Variants in TNRC18 observed in about 807,000 individuals in gnomAD.
TNRC18 encodes trinucleotide repeat containing 18.
A neutral mutation model predicts 226.7 loss-of-function variants in TNRC18; 69 were observed. The observed-to-expected ratio is 0.30, with a 90% confidence interval of 0.25 to 0.37. The LOEUF is 0.37. TNRC18 is among the 10% of genes least tolerant of loss of function. The pLI, the probability that TNRC18 is intolerant of heterozygous loss-of-function variation, is 1.00. For missense variants in TNRC18, 4,754 were observed against 4,256.6 expected (o/e 1.12, Z -3.25); for synonymous variants, 2,449 against 1,927.6 (o/e 1.27, Z -7.09).
At chr7:5,355,437 G>A (rs1202551198) in intron 16 of TNRC18, among the ~76,000 whole-genome samples, 33 of 152,106 alleles carry the variant, frequency 2.2e-4, no homozygotes, top group African/African-American at 7.2e-5. Context: ...AGACCAGCAT[G>A]GGCAACACAG....
chr7:5,394,722 C>A lies in TNRC18; in HGVS notation c.188-127G>T. On this transcript the variant is annotated intron_variant, in intron 2 of 29. Transcript: ENST00000430969. This position sits in a 1 kb window ranked among gnomAD's most constrained non-coding sequence, Gnocchi z 4.5. ...CCAGCTGTGTGGAGCTGATGCTGGC[C>A]AGGAGACCAAAGAGGGTTCCCCTGC... 2 of 728,886 alleles carry A rather than the reference C, an allele frequency of 2.7e-6. No homozygotes were observed. Among genetic ancestry groups the A allele is most frequent in the Non-Finnish European group, 4.5e-6 (2 of 447,030 alleles). The allele number at this position is 728,886 out of a possible 1,614,324, so 45.2% of individuals were successfully genotyped here. A position where few individuals can be genotyped will look rare whatever the true frequency, so the allele number is the denominator to read the frequency against.
chr7:5,346,349 G>T (rs1167344093), intron 17 of TNRC18, among the ~76,000 whole-genome samples: 1 of 152,182 alleles, frequency 6.6e-6, no homozygotes, highest in Non-Finnish European at 1.5e-5. Context: ...CTGGGGGCCA[G>T]GGGACCCCCA....
chr7:5,418,343 C>T (rs1249356011), intron 2 of TNRC18, among the ~76,000 whole-genome samples: 1 of 152,220 alleles, frequency 6.6e-6, no homozygotes, highest in Non-Finnish European at 1.5e-5. Context: ...AATTCACCTC[C>T]TCTTCTGCAG....
Position 5,382,396 on chromosome 7 carries a change from G to A in TNRC18, c.2153-4372C>T, listed in dbSNP as rs1021674936. 1.4e-4 allele frequency among the ~76,000 whole-genome samples: 22 copies of A among 152,274 alleles called. No homozygotes were observed. The South Asian group carries it at 1.7e-3, about 11-fold the overall frequency. On this transcript the variant is annotated intron_variant, in intron 5 of 29. Transcript: ENST00000430969. The stretch of plus-strand genomic sequence containing the variant: ...CAGCAAAAGCCCCCGAGTCTGCAGC[G>A]CTAACGACTCCACTCACAGGTCACA...
At chr7:5,403,796 A>C in intron 2 of TNRC18, among the ~76,000 whole-genome samples, 1 of 152,106 alleles carries the variant, frequency 6.6e-6, no homozygotes. Flanking sequence ...TCTGTTTAAA[A>C]AAAAAAAAAA....
intron 5 of TNRC18, among the ~76,000 whole-genome samples, chr7:5,383,141 G>C (rs892360157): frequency 3.3e-5 from 5 of 152,110 alleles, no homozygotes; most frequent in African/African-American, 1.2e-4. Context: ...GAGCTCAAGC[G>C]ATCTGCCCAC....
rs1371158255 is a variant in TNRC18 at position 5,345,658 on chromosome 7, C to A, written c.5623G>T (p.Ala1875Ser). The A allele has an allele frequency of 1.3e-6, 2 of 1,553,580 alleles. No homozygotes were observed. The highest frequency in any genetic ancestry group is 3.9e-5 in the Admixed American group (2 of 51,352). ...GGACCCACCGTGGGGCTGGGGAGGG[C>A]GCTGGCGGCGAAGCGTGCCAGCAGG... ...LGLLARFAAS[A>S]LPSPTVGPSL... The change falls in exon 18 of 30, where the codon GCC becomes TCC. Residue 1875 changes from alanine to serine, a missense_variant. Physicochemically the swap from Ala to Ser is moderately conservative, Grantham distance 99 (BLOSUM62 1). Transcript: ENST00000430969.
chr7:5,312,494 C>T lies in TNRC18; in HGVS notation c.8388+9G>A, dbSNP rs1787333383. 1.2e-6 allele frequency: 2 copies of T among 1,609,908 alleles called. No individual in the cohort carries two copies. The highest frequency in any genetic ancestry group is 1.7e-5 in the Admixed American group (1 of 59,890). ...CCCCTCGGCCGTGCCCGGGCGCGAGCTTGCTCACCTGGGTGGGCTTGCCGA... is the reference window on the plus strand; with the variant it reads ...CCCCTCGGCCGTGCCCGGGCGCGAGTTTGCTCACCTGGGTGGGCTTGCCGA... On this transcript the variant is annotated intron_variant, in intron 27 of 29. Coordinates refer to ENST00000430969, the MANE Select transcript of TNRC18 (RefSeq NM_001080495.3). This position sits in a 1 kb window ranked among gnomAD's most constrained non-coding sequence, Gnocchi z 6.3.
chr7:5,339,491 C>T (rs551984686), intron 18 of TNRC18, among the ~76,000 whole-genome samples: 3 of 151,960 alleles, frequency 2.0e-5, no homozygotes, highest in East Asian at 1.9e-4. Context: ...CTATCTGCCT[C>T]GGCCTCCCAA....
In TNRC18 at chr7:5,357,130, C is replaced by G; in HGVS notation, c.4980G>C (p.Gly1660=). The G allele has an allele frequency of 6.4e-7, 1 of 1,559,496 alleles. No homozygotes were observed. Among genetic ancestry groups the G allele is most frequent in the Non-Finnish European group, 8.7e-7 (1 of 1,150,986 alleles). ...AAGGAGTCAAGTACCTGCCGCAGCC[C>G]CCGCTAGTTTTCGATTTCCCCCCAG... ...DSAGGKSKTS[G]GCGRYLTPYD... Residue 1660 remains glycine (G), a synonymous_variant, in exon 16 of 30, where the codon GGG becomes GGC. Transcript: ENST00000430969.
chr7:5,308,501 A>C (rs1309508631), intron 29 of TNRC18, among the ~76,000 whole-genome samples, 189 bp from the exon 30 acceptor site: 1 of 152,158 alleles, frequency 6.6e-6, no homozygotes. Context: ...GATGGAGAGC[A>C]AATGAGAGAC....
chr7:5,352,422 C>T (rs778458860), intron 16 of TNRC18, among the ~76,000 whole-genome samples: 1 of 152,200 alleles, frequency 6.6e-6, no homozygotes, highest in Non-Finnish European at 1.5e-5. Flanking sequence ...GCCCTATGCT[C>T]AGGAAGGTCA....
At position 5,394,585 on chromosome 7, in the gene TNRC18, G is replaced by T. The variant is rs1420391114; in HGVS notation, c.198C>A (p.Phe66Leu). ...TCCCGCTGGCCACAAAGCTGCCCAA[G>T]AAGGCCTCGCCTGCAGAGAGAAGTT... is the stretch of plus-strand genomic sequence containing the variant. ...LNLHPHPGEA[F>L]LGSFVASGMG... Residue 66 changes from phenylalanine to leucine, a missense_variant, in exon 3 of 30, where the codon TTC becomes TTA. Transcript: ENST00000430969. The surrounding 1 kb of genome is among the most constrained non-coding windows in gnomAD (Gnocchi z 4.5). 6.5e-7 allele frequency: 1 copy of T among 1,546,806 alleles called. No homozygotes were observed. The highest frequency in any genetic ancestry group is 2.5e-5 in the East Asian group (1 of 40,358).
chr7:5,380,570 C>A (rs112546918), intron 5 of TNRC18, among the ~76,000 whole-genome samples: 1 of 152,286 alleles, frequency 6.6e-6, no homozygotes, highest in South Asian at 2.1e-4. Context: ...CAGCCCGGCA[C>A]GGGGAGAAGC....
rs759698377 is a variant in TNRC18 at position 5,371,392 on chromosome 7, G to A, written c.3230-28C>T. ...GCCAAGGACACAGGGGTCAGCATGG[G>A]AGCCCTAGGATCTGATATCCCATGT... On this transcript the variant is annotated intron_variant, in intron 10 of 29. Coordinates refer to ENST00000430969, the MANE Select transcript of TNRC18 (RefSeq NM_001080495.3). 1.1e-5 allele frequency: 16 copies of A among 1,488,792 alleles called. 1 individual carries two copies. The Admixed American group carries it at 1.4e-4, about 13-fold the overall frequency. The allele number at this position is 1,488,792 out of a possible 1,614,324, so 92.2% of individuals were successfully genotyped here.
chr7:5,313,316 G>C lies in TNRC18; in HGVS notation c.7575C>G (p.Leu2525=). 4 of 1,549,826 alleles carry C rather than the reference G, an allele frequency of 2.6e-6. No individual in the cohort carries two copies. The highest frequency in any genetic ancestry group is 3.5e-6 in the Non-Finnish European group (4 of 1,147,454). The part of the protein sequence containing the change: ...APWPKATDGD[L]AQEPGPGLTF... Reference sequence around the variant, plus strand: ...TGAGCCCCGGCCCGGGCTCCTGGGCGAGGTCCCCGTCGGTGGCCTTGGGCC... The same window carrying C: ...TGAGCCCCGGCCCGGGCTCCTGGGCCAGGTCCCCGTCGGTGGCCTTGGGCC... The change falls in exon 27 of 30, where the codon CTC becomes CTG. Residue 2525 remains leucine, a synonymous_variant. Coordinates refer to ENST00000430969, the MANE Select transcript of TNRC18 (RefSeq NM_001080495.3).
rs1191711640 is a variant in TNRC18 at position 5,388,777 on chromosome 7, G to A, written c.1047C>T (p.Pro349=). Residue 349 remains proline (P), a synonymous_variant, in exon 5 of 30, where the codon CCC becomes CCT. Coordinates refer to ENST00000430969, the MANE Select transcript of TNRC18 (RefSeq NM_001080495.3). ...TGTAGACGCCGGCGGGGGTGGCCGC[G>A]GGGGGTGCAGGAGGCCCCTTGGGGG... is the stretch of plus-strand genomic sequence containing the variant. ...PAPPKGPPAP[P]AATPAGVYTV... The A allele has an allele frequency of 3.4e-5, 42 of 1,220,588 alleles. No homozygotes were observed. Among genetic ancestry groups the A allele is most frequent in the Non-Finnish European group, 4.1e-5 (40 of 978,670 alleles). 75.6% of individuals were successfully genotyped at this position (1,220,588 alleles called of 1,614,324 possible).
intron 18 of TNRC18, among the ~76,000 whole-genome samples, chr7:5,340,604 G>A (rs575936780): frequency 7.1e-4 from 108 of 151,882 alleles, no homozygotes; most frequent in Non-Finnish European, 1.3e-3. Flanking sequence ...TTAGCCAGGC[G>A]TAGTGGCGGG....
At chr7:5,389,462 T>G (rs1487694595) in intron 4 of TNRC18, 126 bp from the exon 5 acceptor site, 14 of 970,380 alleles carry the variant, frequency 1.4e-5, no homozygotes, top group South Asian at 1.1e-4. Context: ...TTGGTTTTGG[T>G]TTTTTTTTTC....
Sources: allele counts gnomAD v4.1 joint callset (sites outside exome capture counted in the v4.1 genomes callset), GRCh38; gene constraint gnomAD v4.1.1; non-coding constraint Gnocchi (gnomAD v3.1); transcripts MANE v1.5; gene names NCBI Gene and HGNC (gene_info 2026-07-23, HGNC 2026-07-21).